Variants in IL1RAPL2 observed in about 807,000 individuals in gnomAD.
The protein encoded by IL1RAPL2 is X-linked interleukin-1 receptor accessory protein-like 2.
IL1RAPL2 carries 3 observed loss-of-function variants against 44.1 expected under a neutral mutation model. The ratio of observed to expected loss-of-function variants is 0.07; its 90% confidence interval spans 0.03 to 0.18. IL1RAPL2 has a LOEUF of 0.18. Among genes scored for constraint, IL1RAPL2 ranks in the 10% least tolerant of loss-of-function variants. The pLI is 1.00. For missense variants in IL1RAPL2, 391 were observed against 496.4 expected (o/e 0.79, Z 2.02); for synonymous variants, 181 against 178.8 (o/e 1.01, Z -0.10).
At chrX:105,340,162 A>G (rs1342053039) in intron 5 of IL1RAPL2, among the ~76,000 whole-genome samples, 1 of 111,569 alleles carries the variant, frequency 9.0e-6, no homozygotes, top group Non-Finnish European at 1.9e-5. Flanking sequence ...AATTCCTAGT[A>G]TCTCCATAAA....
At chrX:105,600,803 C>G (rs1365393386) in intron 6 of IL1RAPL2, among the ~76,000 whole-genome samples, 1 of 110,554 alleles carries the variant, frequency 9.0e-6, no homozygotes, top group Admixed American at 9.6e-5. Flanking sequence ...AGGATATGAA[C>G]ACTGATTTCA....
intron 6 of IL1RAPL2, among the ~76,000 whole-genome samples, chrX:105,491,083 C>T (rs2036313921): frequency 8.9e-6 from 1 of 112,139 alleles, no homozygotes; most frequent in African/African-American, 3.2e-5. Context: ...TTATGATACC[C>T]TTGAATCAAT....
intron 3 of IL1RAPL2, among the ~76,000 whole-genome samples, chrX:105,203,848 C>G (rs1419091810): frequency 8.9e-6 from 1 of 111,870 alleles, no homozygotes; most frequent in Non-Finnish European, 1.9e-5. Context: ...TCCTGGTATT[C>G]TTTCTGACCC....
intron 2 of IL1RAPL2, among the ~76,000 whole-genome samples, chrX:105,064,892 TCTC>T (rs1181792009): frequency 6.3e-5 from 7 of 110,778 alleles, no homozygotes; most frequent in Non-Finnish European, 1.3e-4. Context: ...TGAAAAAAAA[TCTC>T]CTCCTCCTCA....
intron 2 of IL1RAPL2, 107 bp downstream of exon 2, chrX:104,659,102 C>T (rs1006231662): frequency 2.6e-5 from 13 of 492,931 alleles, no homozygotes; most frequent in Middle Eastern, 3.4e-4. Flanking sequence ...TAGAAGCACT[C>T]GTATTCCAGT....
chrX:104,678,208 A>G (rs1930822048), intron 2 of IL1RAPL2, among the ~76,000 whole-genome samples: 1 of 112,723 alleles, frequency 8.9e-6, no homozygotes, highest in African/African-American at 3.2e-5. Flanking sequence ...TGTGTAAATG[A>G]ACAGCCAAAG....
At chrX:104,878,991 C>T (rs947986810) in intron 2 of IL1RAPL2, among the ~76,000 whole-genome samples, 1 of 110,621 alleles carries the variant, frequency 9.0e-6, no homozygotes, top group African/African-American at 3.3e-5. Flanking sequence ...TCTTGATTTC[C>T]AACCGAGCCA....
intron 2 of IL1RAPL2, among the ~76,000 whole-genome samples, chrX:105,012,690 GAA>G (rs2031085050): frequency 9.6e-6 from 1 of 103,730 alleles, no homozygotes; most frequent in Admixed American, 1.1e-4. Context: ...GAGAGAGAGA[GAA>G]TAATAAAATG....
chrX:105,723,395 C>T (rs2038322942), intron 7 of IL1RAPL2, among the ~76,000 whole-genome samples: 1 of 111,634 alleles, frequency 9.0e-6, no homozygotes, highest in Admixed American at 9.6e-5. Context: ...CTACAGTTCT[C>T]CTCTTCTATT....
At chrX:104,980,076 A>G (rs1053871009) in intron 2 of IL1RAPL2, among the ~76,000 whole-genome samples, 4 of 112,014 alleles carry the variant, frequency 3.6e-5, no homozygotes, top group Non-Finnish European at 7.5e-5. Flanking sequence ...CAACCTAAAT[A>G]TCTATCAATA....
At chrX:105,125,899 G>C (rs1370844584) in intron 2 of IL1RAPL2, among the ~76,000 whole-genome samples, 1 of 110,471 alleles carries the variant, frequency 9.1e-6, no homozygotes, top group Non-Finnish European at 1.9e-5. Context: ...TGAGAATAAA[G>C]GCAATAAATA....
intron 4 of IL1RAPL2, among the ~76,000 whole-genome samples, chrX:105,245,894 A>G (rs1241346872): frequency 1.8e-5 from 2 of 112,452 alleles, no homozygotes; most frequent in African/African-American, 3.2e-5. Flanking sequence ...TGTCACAACT[A>G]TCTCAATTTT....
At chrX:105,764,219 C>T (rs923803662) in intron 10 of IL1RAPL2, among the ~76,000 whole-genome samples, 2 of 111,434 alleles carry the variant, frequency 1.8e-5, no homozygotes, top group Non-Finnish European at 3.8e-5. Context: ...ACAGGCATTC[C>T]TTCTGGGGGC....
intron 6 of IL1RAPL2, among the ~76,000 whole-genome samples, chrX:105,659,534 G>A (rs375178208): frequency 9.2e-6 from 1 of 108,507 alleles, no homozygotes; most frequent in Non-Finnish European, 1.9e-5. Context: ...GCGGGCGCCT[G>A]TAGTCCCAGC....
intron 6 of IL1RAPL2, among the ~76,000 whole-genome samples, chrX:105,633,062 A>G (rs987300179): frequency 5.4e-5 from 6 of 112,142 alleles, no homozygotes; most frequent in Non-Finnish European, 1.1e-4. Context: ...CCTCTCAGAG[A>G]GAAAAGAGAA....
intron 7 of IL1RAPL2, among the ~76,000 whole-genome samples, chrX:105,736,172 C>T (rs1028020607): frequency 9.0e-6 from 1 of 111,090 alleles, no homozygotes; most frequent in Non-Finnish European, 1.9e-5. Context: ...GGTAGCCATA[C>T]ACGGAAGATT....
intron 2 of IL1RAPL2, among the ~76,000 whole-genome samples, chrX:104,944,888 C>T (rs1240482698): frequency 8.9e-6 from 1 of 111,848 alleles, no homozygotes; most frequent in African/African-American, 3.2e-5. Flanking sequence ...TGCTCAGCTA[C>T]TAACTAACTT....
chrX:104,742,204 G>T (rs1035520486), intron 2 of IL1RAPL2, among the ~76,000 whole-genome samples: 2 of 111,653 alleles, frequency 1.8e-5, no homozygotes, highest in African/African-American at 3.3e-5. Context: ...GACAAAAGAA[G>T]GGTCAACTAC....
chrX:105,036,441 C>T (rs933853680), intron 2 of IL1RAPL2, among the ~76,000 whole-genome samples: 4 of 112,155 alleles, frequency 3.6e-5, no homozygotes, highest in African/African-American at 9.7e-5. Context: ...AGGCCAACGA[C>T]TACCTCTTAC....
Sources: allele counts gnomAD v4.1 joint callset (sites outside exome capture counted in the v4.1 genomes callset), GRCh38; gene constraint gnomAD v4.1.1; transcripts MANE v1.5; gene names NCBI Gene and HGNC (gene_info 2026-07-23, HGNC 2026-07-21).